Variants in TMPO observed in about 807,000 individuals in gnomAD.
TMPO encodes the protein thymopoietin.
In TMPO, 22 loss-of-function variants were observed where a neutral mutation model predicts 45.4. The observed-to-expected ratio is 0.48, with a 90% CI of 0.35 to 0.69. The LOEUF (loss-of-function observed/expected upper bound fraction) is 0.69, where lower values mean the gene tolerates loss of function less well. Ranked by LOEUF, TMPO falls within the 30% of genes least tolerant of loss-of-function variation. The pLI, the probability that TMPO is intolerant of heterozygous loss-of-function variation, is 0.01. For synonymous variants in TMPO, 241 were observed against 204.1 expected (o/e 1.18, Z -1.54); for missense variants, 512 against 548.8 (o/e 0.93, Z 0.67).
intron 3 of TMPO, chr12:98,534,215 T>A: frequency 6.2e-7 from 1 of 1,613,968 alleles, no homozygotes; most frequent in Non-Finnish European, 8.5e-7. Context: ...CGTCGATACC[T>A]CTGGCTGAAG....
rs774271985 is a variant in TMPO at position 98,548,005 on chromosome 12, A to G, written c.*147A>G. 7.8e-6 allele frequency: 7 copies of G among 901,664 alleles called. No homozygotes were observed. The highest frequency in any genetic ancestry group is 1.2e-5 in the Non-Finnish European group (7 of 598,284). 55.9% of individuals were successfully genotyped at this position (901,664 alleles called of 1,614,324 possible). ...TATTTCATTGAAAAGCAAACAAAAT[A>G]TATATAAATGGACTTCATTAAAATG... is the stretch of plus-strand genomic sequence containing the variant. On this transcript the variant is annotated 3_prime_UTR_variant, in exon 9 of 9. Coordinates refer to ENST00000556029, the MANE Select transcript of TMPO (RefSeq NM_001032283.3).
intron 1 of TMPO, among the ~76,000 whole-genome samples, chr12:98,527,142 G>C (rs954200078): frequency 6.6e-6 from 1 of 151,820 alleles, no homozygotes. Flanking sequence ...ACTTTCCATG[G>C]TTCATGCTGA....
chr12:98,550,153 A>C lies in TMPO; in HGVS notation c.*2295A>C, dbSNP rs1878454594. The C allele has an allele frequency of 6.6e-6, 1 of 152,232 alleles. No individual in the cohort carries two copies. The highest frequency in any genetic ancestry group is 2.4e-5 in the African/African-American group (1 of 41,468). The allele number at this position is 152,232 out of a possible 1,614,324, so 9.4% of individuals were successfully genotyped here. On this transcript the variant is annotated 3_prime_UTR_variant, in exon 9 of 9. Coordinates refer to ENST00000556029, the MANE Select transcript of TMPO (RefSeq NM_001032283.3). Reference sequence around the variant, plus strand: ...AAAAATAGGACCAGGTGAAACATGTAGTCATTTTTTAAAAACATGTACTTG... The same window carrying C: ...AAAAATAGGACCAGGTGAAACATGTCGTCATTTTTTAAAAACATGTACTTG...
intron 3 of TMPO, among the ~76,000 whole-genome samples, chr12:98,536,927 T>C (rs1304338477): frequency 6.6e-6 from 1 of 152,232 alleles, no homozygotes; most frequent in Non-Finnish European, 1.5e-5. Flanking sequence ...AGGTTTTTTA[T>C]AACTACATCA....
intron 1 of TMPO, 120 bp downstream of exon 1, chr12:98,516,266 C>G (rs1342256317): frequency 8.0e-7 from 1 of 1,253,952 alleles, no homozygotes; most frequent in Admixed American, 4.3e-5. Context: ...GCGGGGCTGT[C>G]CCTGCGCCCC....
At position 98,547,766 on chromosome 12, in the gene TMPO, G is replaced by A. The variant is rs1167273164; in HGVS notation, c.1273G>A (p.Val425Ile). The part of the protein sequence containing the change: ...IKILLFVVVA[V>I]FLFLVYQAME... The stretch of plus-strand genomic sequence containing the variant: ...AATTTTGCTGTTTGTTGTTGTGGCA[G>A]TTTTTTTGTTTTTGGTCTATCAAGC... The change falls in exon 9 of 9, where the codon GTT becomes ATT. Residue 425 changes from valine (V) to isoleucine (I), a missense_variant. Around this residue, in one of 3 missense-constraint regions of TMPO, gnomAD observed 209 missense variants for 235.1 expected, o/e 0.89. Transcript: ENST00000556029. 13 of 1,614,118 alleles carry A rather than the reference G, an allele frequency of 8.1e-6. No homozygotes were observed. In the East Asian group the frequency reaches 2.7e-4, roughly 33 times the overall value.
chr12:98,550,261 G>C lies in TMPO; in HGVS notation c.*2403G>C, dbSNP rs1248508104. 6.6e-6 allele frequency: 1 copy of C among 152,178 alleles called. No individual in the cohort carries two copies. The highest frequency in any genetic ancestry group is 1.9e-4 in the East Asian group (1 of 5,204). 9.4% of individuals were successfully genotyped at this position (152,178 alleles called of 1,614,324 possible). ...CAAAGCATTTCTTCCTGATTAAATT[G>C]TAGATGTAGACTTTACAATATAATT... On this transcript the variant is annotated 3_prime_UTR_variant, in exon 9 of 9. Transcript: ENST00000556029.
chr12:98,532,437 C>T (rs771278445), intron 3 of TMPO, among the ~76,000 whole-genome samples: 2 of 151,928 alleles, frequency 1.3e-5, no homozygotes, highest in Non-Finnish European at 2.9e-5. Context: ...TTAAATTGTT[C>T]GCAGTTTTTG....
chr12:98,515,950 C>T lies in TMPO; in HGVS notation c.83C>T (p.Pro28Leu), dbSNP rs1425827124. The T allele has an allele frequency of 1.2e-6, 2 of 1,613,430 alleles. No homozygotes were observed. The highest frequency in any genetic ancestry group is 1.3e-5 in the African/African-American group (1 of 75,046). Residue 28 changes from proline to leucine, a missense_variant, in exon 1 of 9, where the codon CCG (proline) becomes CTG (leucine). Physicochemically the swap from Pro to Leu is moderately conservative, Grantham distance 98. This residue lies in a region of TMPO where 299 missense variants were observed against 296.7 expected (regional missense o/e 1.01). Coordinates refer to ENST00000556029, the MANE Select transcript of TMPO (RefSeq NM_001032283.3). ...SELVANNVTL[P>L]AGEQRKDVYV... ...TTGGTCGCCAACAATGTGACGCTGCCGGCCGGGGAGCAGCGCAAAGACGTG... is the reference window on the plus strand; with the variant it reads ...TTGGTCGCCAACAATGTGACGCTGCTGGCCGGGGAGCAGCGCAAAGACGTG...
chr12:98,527,800 G>A, intron 1 of TMPO, 86 bp from the exon 2 acceptor site: 1 of 1,518,682 alleles, frequency 6.6e-7, no homozygotes, highest in Non-Finnish European at 9.1e-7. Context: ...TTGGTAGTGA[G>A]TTTGCATGTT....
chr12:98,545,135 T>G lies in TMPO; in HGVS notation c.990+74T>G, dbSNP rs564477164. The stretch of plus-strand genomic sequence containing the variant: ...GAAATATAAATATTTGTTTGTTTTT[T>G]TTTTTTTTTTTTGGAGTGGGAGGGA... On this transcript the variant is annotated intron_variant, in intron 7 of 8. Coordinates refer to ENST00000556029, the MANE Select transcript of TMPO (RefSeq NM_001032283.3). 3,395 of 1,188,948 alleles carry G rather than the reference T, an allele frequency of 2.9e-3. 26 individuals carry two copies. In the Admixed American group the frequency reaches 0.033, roughly 12 times the overall value. The allele number at this position is 1,188,948 out of a possible 1,614,324, so 73.6% of individuals were successfully genotyped here. A position where few individuals can be genotyped will look rare whatever the true frequency, so the allele number is the denominator to read the frequency against.
chr12:98,518,042 G>A (rs1488429175), intron 1 of TMPO, among the ~76,000 whole-genome samples: 2 of 151,954 alleles, frequency 1.3e-5, no homozygotes, highest in Non-Finnish European at 2.9e-5. Context: ...TGGTGGCGGC[G>A]GCCGAGGCAG....
chr12:98,516,660 C>A, intron 1 of TMPO: 1 of 568,932 alleles, frequency 1.8e-6, no homozygotes, highest in Non-Finnish European at 2.2e-6. Flanking sequence ...TATACTTTTG[C>A]GTGTGGAGGG....
In TMPO at chr12:98,547,925, A is replaced by G. The variant is rs1878325279; in HGVS notation, c.*67A>G. 1 of 1,531,806 alleles carries G rather than the reference A, an allele frequency of 6.5e-7. No individual in the cohort carries two copies. Among genetic ancestry groups the G allele is most frequent in the Non-Finnish European group, 9.0e-7 (1 of 1,116,338 alleles). 94.9% of individuals were successfully genotyped at this position (1,531,806 alleles called of 1,614,324 possible). On this transcript the variant is annotated 3_prime_UTR_variant, in exon 9 of 9. Transcript: ENST00000556029. ...AATAACTGTTGAAAAACATTTGTGT[A>G]CACTTGTTGACTCCAAGAACTAAAA... is the stretch of plus-strand genomic sequence containing the variant.
intron 7 of TMPO, 126 bp from the exon 8 acceptor site, chr12:98,546,233 C>A: frequency 1.4e-6 from 1 of 716,664 alleles, no homozygotes; most frequent in Non-Finnish European, 2.5e-6. Context: ...TTAGAAATGG[C>A]AGCTGTAAAA....
intron 4 of TMPO, among the ~76,000 whole-genome samples, chr12:98,539,337 T>C (rs1241555620): frequency 6.6e-6 from 1 of 152,066 alleles, no homozygotes; most frequent in Non-Finnish European, 1.5e-5. Context: ...ACAGTGGCTT[T>C]ATTGCAGAAA....
At chr12:98,516,370 T>C (rs1592925210) in intron 1 of TMPO, 8 of 1,206,534 alleles carry the variant, frequency 6.6e-6, no homozygotes, top group Middle Eastern at 3.2e-4. Flanking sequence ...CGTGTGGGTC[T>C]GGGAGGTGTG....
At chr12:98,537,112 TTG>T (rs1411878216) in intron 3 of TMPO, among the ~76,000 whole-genome samples, 4 of 152,136 alleles carry the variant, frequency 2.6e-5, no homozygotes, top group Non-Finnish European at 5.9e-5. Flanking sequence ...ATGGTAACAA[TTG>T]TGTTATTTTA....
At chr12:98,516,979 T>C (rs1019778530) in intron 1 of TMPO, among the ~76,000 whole-genome samples, 4 of 152,112 alleles carry the variant, frequency 2.6e-5, no homozygotes, top group African/African-American at 9.7e-5. Flanking sequence ...CCGGCTGATT[T>C]GTGTATTTTT....
Sources: allele counts gnomAD v4.1 joint callset (sites outside exome capture counted in the v4.1 genomes callset), GRCh38; gene constraint gnomAD v4.1.1; regional missense constraint gnomAD v4.1.1; transcripts MANE v1.5; gene names NCBI Gene and HGNC (gene_info 2026-07-23, HGNC 2026-07-21).